Variants in EPC1 observed in about 807,000 individuals in gnomAD.
EPC1 encodes enhancer of polycomb 1, also known as enhancer of polycomb homolog 1.
Under a neutral mutation model 98.4 loss-of-function variants are expected in EPC1, and 12 were observed. That is an observed-to-expected ratio of 0.12 (90% CI 0.08 to 0.20). The LOEUF (loss-of-function observed/expected upper bound fraction) is 0.20. EPC1 is among the 10% of genes least tolerant of loss of function. The pLI is 1.00. For missense variants in EPC1, 729 were observed against 990.5 expected, an observed-to-expected ratio of 0.74 and a Z score of 3.54; for synonymous variants, 357 against 363.9, an observed-to-expected ratio of 0.98 and a Z score of 0.21.
chr10:32,358,858 T>C (rs1839360646), intron 1 of EPC1, among the ~76,000 whole-genome samples: 1 of 152,146 alleles, frequency 6.6e-6, no homozygotes, highest in Non-Finnish European at 1.5e-5. Flanking sequence ...AAAACTAGGC[T>C]CCATAAAATA....
At chr10:32,339,268 C>T (rs1369678459) in intron 1 of EPC1, among the ~76,000 whole-genome samples, 4 of 152,168 alleles carry the variant, frequency 2.6e-5, no homozygotes, top group African/African-American at 9.7e-5. Flanking sequence ...CAGGAAACTA[C>T]CATAGGCCTA....
intron 1 of EPC1, among the ~76,000 whole-genome samples, chr10:32,315,460 G>A (rs1417325678): frequency 6.6e-6 from 1 of 151,904 alleles, no homozygotes; most frequent in Non-Finnish European, 1.5e-5. Flanking sequence ...TAACAATTAA[G>A]GCTACCTTTA....
chr10:32,356,383 C>G (rs1839277911), intron 1 of EPC1, among the ~76,000 whole-genome samples: 1 of 151,780 alleles, frequency 6.6e-6, no homozygotes. Flanking sequence ...GACTGGAAGC[C>G]CATGGAGTGG....
chr10:32,345,455 A>T (rs1838704439), intron 1 of EPC1: 1 of 985,272 alleles, frequency 1.0e-6, no homozygotes, highest in Admixed American at 6.1e-5. Flanking sequence ...GTACCAAGAG[A>T]AGTATTACAG....
intron 2 of EPC1, among the ~76,000 whole-genome samples, chr10:32,302,930 T>G (rs1309872658): frequency 6.6e-6 from 1 of 152,052 alleles, no homozygotes; most frequent in East Asian, 1.9e-4. Context: ...CAGGAAACAG[T>G]GTGGAAACAG....
intron 1 of EPC1, among the ~76,000 whole-genome samples, chr10:32,318,593 CT>C (rs1836694932): frequency 6.6e-6 from 1 of 152,160 alleles, no homozygotes; most frequent in Non-Finnish European, 1.5e-5. Context: ...ATCGACACCC[CT>C]GCTCCATGAC....
chr10:32,370,299 G>A (rs923658330), intron 1 of EPC1, among the ~76,000 whole-genome samples: 1 of 152,128 alleles, frequency 6.6e-6, no homozygotes, highest in Admixed American at 6.5e-5. Context: ...CCTAGGAGAT[G>A]GATAGTAGGT....
chr10:32,341,948 A>T (rs1838384973), intron 1 of EPC1, among the ~76,000 whole-genome samples: 1 of 152,236 alleles, frequency 6.6e-6, no homozygotes, highest in South Asian at 2.1e-4. Flanking sequence ...CTAACATTTT[A>T]TAGGCATATG....
intron 1 of EPC1, among the ~76,000 whole-genome samples, chr10:32,358,621 G>T (rs1396956809): frequency 1.4e-5 from 2 of 148,088 alleles, no homozygotes; most frequent in East Asian, 4.0e-4. Flanking sequence ...CTCCAGCCTG[G>T]GGAACGGAGT....
intron 1 of EPC1, among the ~76,000 whole-genome samples, chr10:32,360,380 AG>A: frequency 6.6e-6 from 1 of 152,318 alleles, no homozygotes; most frequent in Non-Finnish European, 1.5e-5. Flanking sequence ...GCTAGCTCCC[AG>A]GGGGTCAAGG....
chr10:32,345,543 CCCTGTTTAAATGGCTGTA>C (rs1185899101), intron 1 of EPC1: 2 of 985,322 alleles, frequency 2.0e-6, no homozygotes, highest in African/African-American at 3.5e-5. Flanking sequence ...ATACACTGCA[CCCTGTTTAAATGGCTGTA>C]CCTGAAAACC....
intron 1 of EPC1, among the ~76,000 whole-genome samples, chr10:32,306,494 C>G (rs1247003557): frequency 6.6e-6 from 1 of 152,144 alleles, no homozygotes; most frequent in African/African-American, 2.4e-5. Flanking sequence ...CCTTTCTGAG[C>G]AGCTGCAGAG....
intron 10 of EPC1, among the ~76,000 whole-genome samples, chr10:32,281,170 A>C (rs1431762503): frequency 1.3e-5 from 2 of 152,108 alleles, no homozygotes; most frequent in Non-Finnish European, 2.9e-5. Context: ...GAGTAGCAGG[A>C]ATTACAGGCA....
At position 32,269,034 on chromosome 10, in the gene EPC1, C is replaced by T. The variant is rs533624415; in HGVS notation, c.*29G>A. The T allele has an allele frequency of 6.1e-5, 98 of 1,599,860 alleles. No individual in the cohort carries two copies. The East Asian group carries it at 1.6e-3, about 27-fold the overall frequency. ...ACTGATGCATAGCACCTAATCAAGTCCCCAGGCTGCAGTTCCACTCGGAGG... is the reference window on the plus strand; with the variant it reads ...ACTGATGCATAGCACCTAATCAAGTTCCCAGGCTGCAGTTCCACTCGGAGG... On this transcript the variant is annotated 3_prime_UTR_variant, in exon 14 of 14. Transcript: ENST00000319778.
intron 1 of EPC1, among the ~76,000 whole-genome samples, chr10:32,367,190 C>T (rs1199144231): frequency 6.6e-6 from 1 of 152,068 alleles, no homozygotes; most frequent in Non-Finnish European, 1.5e-5. Flanking sequence ...GAGGTATTGC[C>T]ATGTTGGCCA....
intron 2 of EPC1, among the ~76,000 whole-genome samples, chr10:32,300,426 A>G (rs1242415460): frequency 6.7e-6 from 1 of 148,298 alleles, no homozygotes; most frequent in Admixed American, 6.8e-5. Context: ...TAGTGTATCA[A>G]TTCAACTCTT....
intron 1 of EPC1, among the ~76,000 whole-genome samples, chr10:32,307,157 T>G (rs553909653): frequency 9.6e-4 from 146 of 152,312 alleles, no homozygotes; most frequent in African/African-American, 3.4e-3. Flanking sequence ...ATAGCTGCAT[T>G]ATATTCCACT....
intron 1 of EPC1, among the ~76,000 whole-genome samples, chr10:32,311,352 C>T (rs988840803): frequency 1.3e-5 from 2 of 151,552 alleles, no homozygotes; most frequent in African/African-American, 2.4e-5. Flanking sequence ...GAAAATACTA[C>T]AAAATATTGC....
rs757837578 is a variant in EPC1 at position 32,269,950 on chromosome 10, C to T, written c.2370-815G>A. Among the ~76,000 whole-genome samples, 3 of 152,220 alleles carry T rather than the reference C, an allele frequency of 2.0e-5. 1 individual carries two copies. In the South Asian group the frequency reaches 6.2e-4, roughly 32 times the overall value. ...CTGGCATTTAAAGTGCTCCAGGAAT[C>T]TGGAATGGCTTCTCCTGCCATTCCA... is the stretch of plus-strand genomic sequence containing the variant. On this transcript the variant is annotated intron_variant, in intron 13 of 13. Transcript: ENST00000319778.
Sources: allele counts gnomAD v4.1 joint callset (sites outside exome capture counted in the v4.1 genomes callset), GRCh38; gene constraint gnomAD v4.1.1; transcripts MANE v1.5; gene names NCBI Gene and HGNC (gene_info 2026-07-23, HGNC 2026-07-21).